SURF2: variants seen among roughly 807,000 people sequenced by gnomAD.
SURF2 encodes surfeit locus protein 2.
In SURF2, 32 loss-of-function variants were observed where a neutral mutation model predicts 26.2. That is an observed-to-expected ratio of 1.22 (90% CI 0.92 to 1.64). The LOEUF is 1.64. SURF2 is among the 40% of genes most tolerant of loss of function. The pLI, the probability that SURF2 is intolerant of heterozygous loss-of-function variation, is 0.00. For missense variants in SURF2, 415 were observed against 341.6 expected (o/e 1.21, Z -1.69); for synonymous variants, 173 against 139.1 (o/e 1.24, Z -1.71).
chr9:133,357,845 C>A, intron 3 of SURF2, 31 bp downstream of exon 3: 1 of 1,603,262 alleles, frequency 6.2e-7, no homozygotes, highest in East Asian at 2.2e-5. Context: ...ATCAGTGCAT[C>A]GCCATCTGAG....
chr9:133,357,787 C>G lies in SURF2; in HGVS notation c.310C>G (p.Arg104Gly), dbSNP rs2130036590. ...PEHVLRHTQGRRYQRALCKYE... is the reference protein window; with the variant it reads ...PEHVLRHTQGGRYQRALCKYE... ...ACACGTGCTGAGGCACACCCAGGGC[C>G]GGCGGTACCAGCGAGCTCTGTGTAA... The change falls in exon 3 of 6, where the codon CGG (arginine) becomes GGG (glycine). Residue 104 changes from arginine to glycine, a missense_variant. Arg to Gly is a moderately radical substitution (Grantham distance 125). Transcript: ENST00000371964. 3 of 1,613,670 alleles carry G rather than the reference C, an allele frequency of 1.9e-6. No homozygotes were observed. Among genetic ancestry groups the G allele is most frequent in the South Asian group, 1.1e-5 (1 of 91,086 alleles).
chr9:133,357,149 C>T, intron 2 of SURF2, 81 bp downstream of exon 2: 3 of 1,402,320 alleles, frequency 2.1e-6, no homozygotes, highest in Non-Finnish European at 2.8e-6. Flanking sequence ...GCTGCAGCCC[C>T]TACTCTTTCA....
Position 133,361,043 on chromosome 9 carries a change from GT to G in SURF2, c.688-10del. 1 of 1,613,938 alleles carries G rather than the reference GT, an allele frequency of 6.2e-7. No individual in the cohort carries two copies. The highest frequency in any genetic ancestry group is 1.3e-5 in the African/African-American group (1 of 75,018). On this transcript the variant is annotated splice_polypyrimidine_tract_variant and intron_variant, in intron 5 of 5. Transcript: ENST00000371964. ...AGAAAGGCTCAGTAATCAGAATTTT[GT>G]TTATCCCACAGAAGCAGTTGGGCTC...
At chr9:133,356,873 C>G in intron 1 of SURF2, 41 bp from the exon 2 acceptor site, 1 of 1,511,866 alleles carries the variant, frequency 6.6e-7, no homozygotes, top group Middle Eastern at 2.0e-4. Context: ...GGGAGCGGAG[C>G]CCTGGCCCTC....
At chr9:133,360,554 A>G in intron 5 of SURF2, 120 bp downstream of exon 5, 18 of 1,275,860 alleles carry the variant, frequency 1.4e-5, no homozygotes, top group Non-Finnish European at 1.9e-5. Context: ...AACAACACAC[A>G]AGAACCATAG....
intron 5 of SURF2, 66 bp from the exon 6 acceptor site, chr9:133,360,990 C>T (rs937596527): frequency 5.9e-6 from 9 of 1,523,366 alleles, no homozygotes; most frequent in Middle Eastern, 1.7e-4. Context: ...GAGAGCCCTG[C>T]ACTCCAGGGC....
intron 3 of SURF2, among the ~76,000 whole-genome samples, chr9:133,358,947 G>A (rs1481802607): frequency 6.6e-6 from 1 of 152,212 alleles, no homozygotes; most frequent in African/African-American, 2.4e-5. Context: ...TGTGGATTGA[G>A]AAGGCAGGAC....
intron 3 of SURF2, 30 bp from the exon 4 acceptor site, chr9:133,359,920 G>A: frequency 6.3e-7 from 1 of 1,580,106 alleles, no homozygotes; most frequent in East Asian, 2.2e-5. Flanking sequence ...GGGTGTGGAG[G>A]TACCCAGCAC....
intron 3 of SURF2, among the ~76,000 whole-genome samples, chr9:133,358,311 G>A (rs1836664830): frequency 6.6e-6 from 1 of 152,112 alleles, no homozygotes; most frequent in Admixed American, 6.5e-5. Context: ...GCACTGCAGT[G>A]GGTGTGTGGA....
At chr9:133,357,143 C>T in intron 2 of SURF2, 75 bp downstream of exon 2, 1 of 1,414,546 alleles carries the variant, frequency 7.1e-7, no homozygotes, top group Non-Finnish European at 9.3e-7. Flanking sequence ...GCCAGTGCTG[C>T]AGCCCCTACT....
At chr9:133,358,168 C>T (rs915273776) in intron 3 of SURF2, among the ~76,000 whole-genome samples, 2 of 152,084 alleles carry the variant, frequency 1.3e-5, no homozygotes, top group Admixed American at 6.5e-5. Flanking sequence ...GCAGTGGGGT[C>T]GGGGGAACAG....
At chr9:133,357,660 T>C (rs2130035239) in intron 2 of SURF2, 51 bp from the exon 3 acceptor site, 3 of 1,568,892 alleles carry the variant, frequency 1.9e-6, no homozygotes, top group Non-Finnish European at 2.6e-6. Context: ...GCCACCAGTC[T>C]GAATCCTTGC....
At chr9:133,357,126 G>A (rs1450315436) in intron 2 of SURF2, 58 bp downstream of exon 2, 3 of 1,449,246 alleles carry the variant, frequency 2.1e-6, no homozygotes, top group Admixed American at 2.5e-5. Context: ...CCCCTCCGCT[G>A]GACTCCGCCA....
Position 133,361,091 on chromosome 9 carries a change from T to A in SURF2, c.723T>A (p.Ser241Arg), listed in dbSNP as rs759818721. ...GCTCGTTGAAAAAGAAGTTCAAGAGTCATCACCGCAAACCCAAGAGCTTCA... is the reference window on the plus strand; with the variant it reads ...GCTCGTTGAAAAAGAAGTTCAAGAGACATCACCGCAAACCCAAGAGCTTCA... The part of the protein sequence containing the change: ...QLGSLKKKFK[S>R]HHRKPKSFSS... Residue 241 changes from serine (S) to arginine (R), a missense_variant, in exon 6 of 6, where the codon AGT (serine) becomes AGA (arginine). Transcript: ENST00000371964. 6.2e-7 allele frequency: 1 copy of A among 1,613,936 alleles called. No individual in the cohort carries two copies. Among genetic ancestry groups the A allele is most frequent in the Non-Finnish European group, 8.5e-7 (1 of 1,179,984 alleles).
In SURF2 at chr9:133,357,953, G is replaced by A. The variant is rs141490031; in HGVS notation, c.337+139G>A. On this transcript the variant is annotated intron_variant, in intron 3 of 5. Coordinates refer to ENST00000371964, the MANE Select transcript of SURF2 (RefSeq NM_017503.5). Reference sequence around the variant, plus strand: ...CAGGCCTGTTTTTTGGCACAGTGAAGAGAGGGATGATGGCCCCTGACCCCA... The same window carrying A: ...CAGGCCTGTTTTTTGGCACAGTGAAAAGAGGGATGATGGCCCCTGACCCCA... 8.6e-5 allele frequency: 68 copies of A among 792,252 alleles called. 2 individuals carry two copies. In the East Asian group the frequency reaches 1.7e-3, roughly 19 times the overall value. 49.1% of individuals were successfully genotyped at this position (792,252 alleles called of 1,614,324 possible).
rs1390685282 is a variant in SURF2 at position 133,360,445 on chromosome 9, A to G, written c.687+11A>G. 2.5e-6 allele frequency: 4 copies of G among 1,594,346 alleles called. No homozygotes were observed. The highest frequency in any genetic ancestry group is 1.7e-5 in the Admixed American group (1 of 57,358). On this transcript the variant is annotated intron_variant, in intron 5 of 5. Transcript: ENST00000371964. The stretch of plus-strand genomic sequence containing the variant: ...CAGAAGCGCGGGAAGGTGAGCTGTC[A>G]CCTCCTCTGTTAGTGTGGCAGTGGC...
Position 133,357,527 on chromosome 9 carries a change from G to A in SURF2, c.234-184G>A, listed in dbSNP as rs2130034683. Among the ~76,000 whole-genome samples, 6 of 152,324 alleles carry A rather than the reference G, an allele frequency of 3.9e-5. No individual in the cohort carries two copies. The East Asian group carries it at 7.7e-4, about 20-fold the overall frequency. ...GTGCTTTTCCGGTAAACATTAAGAG[G>A]CTGCAGTCGGCCTGGGTCAGACGGT... is the stretch of plus-strand genomic sequence containing the variant. On this transcript the variant is annotated intron_variant, in intron 2 of 5. Transcript: ENST00000371964.
chr9:133,360,947 T>C (rs1836758867), intron 5 of SURF2, 109 bp from the exon 6 acceptor site: 12 of 1,155,730 alleles, frequency 1.0e-5, no homozygotes, highest in South Asian at 5.2e-5. Flanking sequence ...TCTGTGGGTA[T>C]TTGACCGACA....
chr9:133,358,655 A>G (rs904136412), intron 3 of SURF2, among the ~76,000 whole-genome samples: 1 of 152,006 alleles, frequency 6.6e-6, no homozygotes, highest in African/African-American at 2.4e-5. Context: ...AGGACAGAAA[A>G]ATGATAGATT....
Sources: allele counts gnomAD v4.1 joint callset (sites outside exome capture counted in the v4.1 genomes callset), GRCh38; gene constraint gnomAD v4.1.1; transcripts MANE v1.5; gene names NCBI Gene and HGNC (gene_info 2026-07-23, HGNC 2026-07-21).